The following PDZD2 variants were observed in gnomAD, a reference collection of about 807,000 sequenced individuals.
PDZD2 encodes the protein PDZ domain-containing protein 2.
Under a neutral mutation model 220.7 loss-of-function variants are expected in PDZD2, and 90 were observed. The ratio of observed to expected loss-of-function variants is 0.41; its 90% CI spans 0.34 to 0.49. The LOEUF is 0.49. Ranked by LOEUF, PDZD2 falls within the 20% of genes least tolerant of loss-of-function variation. The probability of loss-of-function intolerance (pLI) is 0.28; values close to 1 mark genes in which losing one functional copy is unlikely to be tolerated. For synonymous variants in PDZD2, 1,375 were observed against 1,450.5 expected (o/e 0.95, Z 1.18); for missense variants, 3,174 against 3,608.5 (o/e 0.88, Z 3.08).
chr5:31,685,161 C>T (rs11956067), intron 1 of PDZD2, among the ~76,000 whole-genome samples: 19,717 of 152,076 alleles, frequency 0.13, 1,392 homozygotes, highest in South Asian at 0.19. Flanking sequence ...CTGCCCTACC[C>T]GCTTGACCCC....
intron 2 of PDZD2, among the ~76,000 whole-genome samples, chr5:31,890,618 G>T (rs1420741411): frequency 2.0e-5 from 3 of 152,142 alleles, no homozygotes; most frequent in Admixed American, 2.0e-4. Context: ...ACTTAGCAGG[G>T]GACCCCAACC....
intron 1 of PDZD2, among the ~76,000 whole-genome samples, chr5:31,654,760 G>A (rs1352959936): frequency 1.3e-5 from 2 of 152,082 alleles, no homozygotes; most frequent in African/African-American, 4.8e-5. Context: ...AGTTGCTGTT[G>A]TTCCCTTTCC....
At chr5:31,920,748 C>T (rs1002084575) in intron 2 of PDZD2, among the ~76,000 whole-genome samples, 4 of 152,084 alleles carry the variant, frequency 2.6e-5, no homozygotes, top group Admixed American at 1.3e-4. Flanking sequence ...AGTTTCACTG[C>T]CCTAAAAATC....
intron 6 of PDZD2, among the ~76,000 whole-genome samples, chr5:32,028,066 G>T (rs1754812621): frequency 6.6e-6 from 1 of 152,036 alleles, no homozygotes; most frequent in South Asian, 2.1e-4. Context: ...TCAAGTCTTG[G>T]GAACCATAAA....
At chr5:31,714,886 G>A (rs925122058) in intron 1 of PDZD2, among the ~76,000 whole-genome samples, 5 of 151,880 alleles carry the variant, frequency 3.3e-5, no homozygotes, top group Admixed American at 6.6e-5. Context: ...GTGAAACCCC[G>A]TCTCTACTAA....
At chr5:31,997,696 T>C (rs1317570619) in intron 4 of PDZD2, among the ~76,000 whole-genome samples, 2 of 152,238 alleles carry the variant, frequency 1.3e-5, no homozygotes, top group African/African-American at 4.8e-5. Flanking sequence ...CTATTGGGTC[T>C]CATCCTTTTC....
At chr5:31,641,486 T>A (rs1347653767) in intron 1 of PDZD2, among the ~76,000 whole-genome samples, 1 of 151,946 alleles carries the variant, frequency 6.6e-6, no homozygotes, top group African/African-American at 2.4e-5. Context: ...AACTAAGGAC[T>A]CAGAGGAACT....
At chr5:31,800,160 C>T (rs1207922831) in intron 2 of PDZD2, among the ~76,000 whole-genome samples, 2 of 152,186 alleles carry the variant, frequency 1.3e-5, no homozygotes, top group African/African-American at 4.8e-5. Flanking sequence ...CAAGACCGTT[C>T]TCAGGTTCAG....
At chr5:31,962,095 C>T (rs77183700) in intron 2 of PDZD2, among the ~76,000 whole-genome samples, 3,170 of 152,288 alleles carry the variant, frequency 0.021, 116 homozygotes, top group African/African-American at 0.073. Flanking sequence ...TTAGACTTAG[C>T]CACACATTTG....
chr5:31,763,415 A>G (rs926508750), intron 1 of PDZD2, among the ~76,000 whole-genome samples: 9 of 152,192 alleles, frequency 5.9e-5, no homozygotes, highest in African/African-American at 2.2e-4. Context: ...ACAGACCCAC[A>G]AGAAATAAAG....
intron 1 of PDZD2, among the ~76,000 whole-genome samples, chr5:31,661,689 C>G (rs1745767570): frequency 1.3e-5 from 2 of 152,032 alleles, no homozygotes; most frequent in South Asian, 4.2e-4. Flanking sequence ...AGTTTCTTAG[C>G]CTTTGGGCTT....
At chr5:31,975,542 T>C (rs1210777896) in intron 2 of PDZD2, among the ~76,000 whole-genome samples, 1 of 152,064 alleles carries the variant, frequency 6.6e-6, no homozygotes, top group Non-Finnish European at 1.5e-5. Context: ...AGGGAGGCGG[T>C]GCTCAGCCCC....
At chr5:31,700,308 G>GGT (rs755917745) in intron 1 of PDZD2, among the ~76,000 whole-genome samples, 1 of 152,184 alleles carries the variant, frequency 6.6e-6, no homozygotes, top group Non-Finnish European at 1.5e-5. Context: ...GAGAGACAGA[G>GGT]GTGGAGGCTG....
At chr5:31,789,610 T>A (rs1228087874) in intron 1 of PDZD2, among the ~76,000 whole-genome samples, 1 of 152,140 alleles carries the variant, frequency 6.6e-6, no homozygotes, top group East Asian at 1.9e-4. Context: ...AATACAATAC[T>A]GGAAAAGGTA....
At chr5:31,745,096 A>G (rs1211885038) in intron 1 of PDZD2, among the ~76,000 whole-genome samples, 1 of 152,108 alleles carries the variant, frequency 6.6e-6, no homozygotes, top group Non-Finnish European at 1.5e-5. Context: ...AAATAAATAA[A>G]TAAAATAAAA....
intron 1 of PDZD2, among the ~76,000 whole-genome samples, chr5:31,670,207 A>C (rs1000941682): frequency 2.6e-4 from 40 of 152,164 alleles, no homozygotes; most frequent in Non-Finnish European, 7.3e-5. Flanking sequence ...GAAGAAATGT[A>C]CATACATCCT....
intron 2 of PDZD2, among the ~76,000 whole-genome samples, chr5:31,869,478 G>A (rs902739703): frequency 1.3e-5 from 2 of 151,984 alleles, no homozygotes; most frequent in Non-Finnish European, 2.9e-5. Flanking sequence ...CAGGAGAATG[G>A]CCGTGAACCT....
intron 1 of PDZD2, among the ~76,000 whole-genome samples, chr5:31,644,593 A>G (rs1016037000): frequency 7.2e-5 from 11 of 152,208 alleles, no homozygotes; most frequent in African/African-American, 2.7e-4. Context: ...CTCCAGCTCC[A>G]GGAAGAGGCC....
chr5:32,002,689 A>C, intron 5 of PDZD2, among the ~76,000 whole-genome samples: 1 of 117,188 alleles, frequency 8.5e-6, no homozygotes, highest in Non-Finnish European at 1.8e-5. Flanking sequence ...ACCAACACAC[A>C]CCACACACAC....
Sources: gnomAD v4.1 joint callset for allele counts (sites outside exome capture counted in the v4.1 genomes callset) on GRCh38, gnomAD v4.1.1 for gene constraint, MANE v1.5 for transcripts, NCBI Gene and HGNC (gene_info 2026-07-23, HGNC 2026-07-21) for gene names.